Variants in KLHL29 observed in about 807,000 individuals in gnomAD.
KLHL29 encodes the protein kelch like family member 29.
KLHL29 carries 21 observed loss-of-function variants against 80.4 expected under a neutral mutation model. The observed-to-expected ratio is 0.26, with a 90% CI of 0.19 to 0.38. KLHL29 has a LOEUF of 0.38. Ranked by LOEUF, KLHL29 falls within the 10% of genes least tolerant of loss-of-function variation. The probability of loss-of-function intolerance (pLI) is 1.00; values close to 1 mark genes in which losing one functional copy is unlikely to be tolerated. For synonymous variants in KLHL29, 511 were observed against 526.8 expected (o/e 0.97, Z 0.41); for missense variants, 867 against 1,223.9 (o/e 0.71, Z 4.35).
At chr2:23,479,758 C>T (rs1054774962) in intron 2 of KLHL29, among the ~76,000 whole-genome samples, 2 of 152,242 alleles carry the variant, frequency 1.3e-5, no homozygotes, top group Non-Finnish European at 2.9e-5. Flanking sequence ...TCCTCCCTCC[C>T]TCCCTTAGCC....
At chr2:23,551,589 A>G (rs1250436591) in intron 2 of KLHL29, among the ~76,000 whole-genome samples, 1 of 152,238 alleles carries the variant, frequency 6.6e-6, no homozygotes, top group African/African-American at 2.4e-5. Flanking sequence ...TTGTCTTTTT[A>G]GATCATGTAT....
intron 1 of KLHL29, 118 bp from the exon 2 acceptor site, chr2:23,475,442 G>A (rs957873742): frequency 7.9e-6 from 1 of 127,166 alleles, no homozygotes; most frequent in Non-Finnish European, 1.7e-5. Flanking sequence ...AGTTAGTGTG[G>A]GGACCACCCA....
chr2:23,417,785 C>T (rs1019386261), intron 1 of KLHL29, among the ~76,000 whole-genome samples: 3 of 152,126 alleles, frequency 2.0e-5, no homozygotes, highest in Admixed American at 2.0e-4. Flanking sequence ...CTCCCAACAC[C>T]GTGGGCTTGT....
chr2:23,411,357 T>C (rs188875385), intron 1 of KLHL29, among the ~76,000 whole-genome samples: 1 of 147,460 alleles, frequency 6.8e-6, no homozygotes, highest in East Asian at 2.0e-4. Flanking sequence ...CTGGAGTATA[T>C]TGGGTATGTA....
chr2:23,631,834 C>T (rs1211319733), intron 3 of KLHL29, among the ~76,000 whole-genome samples: 2 of 152,164 alleles, frequency 1.3e-5, no homozygotes, highest in African/African-American at 4.8e-5. Flanking sequence ...CGTCAAGGAG[C>T]TGGTTTCCAT....
intron 3 of KLHL29, among the ~76,000 whole-genome samples, chr2:23,607,626 T>TA (rs1668760252): frequency 6.6e-6 from 1 of 152,004 alleles, no homozygotes; most frequent in African/African-American, 2.4e-5. Flanking sequence ...GCACAGCAGG[T>TA]GAGTGGCAGG....
intron 2 of KLHL29, among the ~76,000 whole-genome samples, chr2:23,510,828 C>T (rs919719665): frequency 6.6e-6 from 1 of 152,142 alleles, no homozygotes; most frequent in African/African-American, 2.4e-5. Flanking sequence ...TAGTGACAGG[C>T]GGCCGAGTCA....
chr2:23,674,063 C>T (rs918931701), intron 5 of KLHL29, among the ~76,000 whole-genome samples: 31 of 152,202 alleles, frequency 2.0e-4, no homozygotes, highest in African/African-American at 7.0e-4. Flanking sequence ...CCCTTGACTC[C>T]GTCAGGAAGA....
rs1028455106 is a variant in KLHL29, at chr2:23,443,979, A to T, written c.-153-31581A>T. Among the ~76,000 whole-genome samples the T allele has an allele frequency of 6.6e-5, 10 of 152,178 alleles. 1 individual carries two copies. Among genetic ancestry groups the T allele is most frequent in the African/African-American group, 2.2e-4 (9 of 41,444 alleles). Reference sequence around the variant, plus strand: ...GGTATTGTAAAATGGTGATTTTTAAAATCCTATCATTCTTTCTACATTTAT... The same window carrying T: ...GGTATTGTAAAATGGTGATTTTTAATATCCTATCATTCTTTCTACATTTAT... On this transcript the variant is annotated intron_variant, in intron 1 of 13. Coordinates refer to ENST00000486442, the MANE Select transcript of KLHL29 (RefSeq NM_052920.2).
At chr2:23,418,123 C>A (rs1662647282) in intron 1 of KLHL29, among the ~76,000 whole-genome samples, 1 of 152,228 alleles carries the variant, frequency 6.6e-6, no homozygotes, top group East Asian at 1.9e-4. Context: ...AATCCAGACA[C>A]ACCTTCCACT....
At chr2:23,580,320 C>T (rs1446408925) in intron 3 of KLHL29, among the ~76,000 whole-genome samples, 4 of 150,368 alleles carry the variant, frequency 2.7e-5, no homozygotes, top group Non-Finnish European at 4.4e-5. Flanking sequence ...TGCAGTGAGC[C>T]GAGATCACGC....
At chr2:23,670,979 TCCCTCCCTCCCTCCCTCC>T (rs1186901599) in intron 5 of KLHL29, among the ~76,000 whole-genome samples, 2 of 6,046 alleles carry the variant, frequency 3.3e-4, no homozygotes, top group Admixed American at 4.1e-3. Flanking sequence ...TCTCTCTCTC[TCCCTCCCTCCCTCCCTCC>T]CTCCCCCCCC....
At chr2:23,500,219 G>T (rs1665400546) in intron 2 of KLHL29, among the ~76,000 whole-genome samples, 3 of 152,318 alleles carry the variant, frequency 2.0e-5, no homozygotes, top group East Asian at 3.9e-4. Context: ...AAACACTGGT[G>T]TGCAGAAGGT....
rs1047171950 is a variant in KLHL29 at position 23,562,530 on chromosome 2, C to T, written c.285+49C>T. On this transcript the variant is annotated intron_variant, in intron 3 of 13. Transcript: ENST00000486442. The surrounding 1 kb of genome is among the most constrained non-coding windows in gnomAD (Gnocchi z 4.5). ...GCAGGAGCCGGACAGAGGGGCCCTG[C>T]CTCCCTGCAGGCTCAGGCCAGCCCC... 3 of 1,522,622 alleles carry T rather than the reference C, an allele frequency of 2.0e-6. No individual in the cohort carries two copies. The African/African-American group carries it at 4.1e-5, about 21-fold the overall frequency. 94.3% of individuals were successfully genotyped at this position (1,522,622 alleles called of 1,614,324 possible). A position where few individuals can be genotyped will look rare whatever the true frequency, so the allele number is the denominator to read the frequency against.
At chr2:23,563,315 G>A (rs1667498533) in intron 3 of KLHL29, among the ~76,000 whole-genome samples, 1 of 152,226 alleles carries the variant, frequency 6.6e-6, no homozygotes, top group Non-Finnish European at 1.5e-5. Flanking sequence ...CCTGAGTCCT[G>A]GAGGGCCGGG....
intron 2 of KLHL29, among the ~76,000 whole-genome samples, chr2:23,523,227 G>A (rs1666162415): frequency 6.6e-6 from 1 of 152,208 alleles, no homozygotes; most frequent in African/African-American, 2.4e-5. Flanking sequence ...CCCCAGGGTG[G>A]GCTGGGGCAG....
chr2:23,506,259 C>G (rs1665594771), intron 2 of KLHL29, among the ~76,000 whole-genome samples: 3 of 152,228 alleles, frequency 2.0e-5, no homozygotes, highest in Admixed American at 2.0e-4. Flanking sequence ...CGCTAGACAA[C>G]AGAGCAGCTT....
chr2:23,519,171 G>A (rs1332669820), intron 2 of KLHL29, among the ~76,000 whole-genome samples: 1 of 152,140 alleles, frequency 6.6e-6, no homozygotes, highest in African/African-American at 2.4e-5. Flanking sequence ...CCACCAAGCG[G>A]GGACAGCCTC....
At chr2:23,663,025 G>A (rs994704656) in intron 5 of KLHL29, among the ~76,000 whole-genome samples, 7 of 152,184 alleles carry the variant, frequency 4.6e-5, no homozygotes, top group Admixed American at 1.3e-4. Flanking sequence ...TCATAGAGCT[G>A]CCCTGAGGAT....
Sources: allele counts gnomAD v4.1 joint callset (sites outside exome capture counted in the v4.1 genomes callset), GRCh38; gene constraint gnomAD v4.1.1; non-coding constraint Gnocchi (gnomAD v3.1); transcripts MANE v1.5; gene names NCBI Gene and HGNC (gene_info 2026-07-23, HGNC 2026-07-21).